The following AK2 variants were observed in gnomAD, a reference collection of about 807,000 sequenced individuals.
AK2 encodes the protein adenylate kinase 2, mitochondrial.
A neutral mutation model predicts 24.6 loss-of-function variants in AK2; 15 were observed. The ratio of observed to expected loss-of-function variants is 0.61; its 90% CI spans 0.41 to 0.94. The LOEUF (loss-of-function observed/expected upper bound fraction) is 0.94. AK2 is among the 40% of genes least tolerant of loss of function. The pLI is 0.00. For synonymous variants in AK2, 102 were observed against 114.0 expected (o/e 0.90, Z 0.67); for missense variants, 257 against 304.1 (o/e 0.85, Z 1.15).
At chr1:33,023,357 C>T (rs1030440697) in intron 2 of AK2, among the ~76,000 whole-genome samples, 4 of 152,090 alleles carry the variant, frequency 2.6e-5, no homozygotes, top group African/African-American at 9.6e-5. Flanking sequence ...CTGGGTTTAG[C>T]TCAGTTCAAA....
intron 1 of AK2, among the ~76,000 whole-genome samples, chr1:33,035,733 C>T (rs1313926679): frequency 6.6e-6 from 1 of 152,148 alleles, no homozygotes; most frequent in Non-Finnish European, 1.5e-5. Context: ...GCCCCTGTTG[C>T]CTGCTAGGGC....
rs745467392 is a variant in AK2 at position 33,008,267 on chromosome 1, G to A, written c.*4914C>T. 4.4e-6 allele frequency: 2 copies of A among 454,046 alleles called. No homozygotes were observed. The highest frequency in any genetic ancestry group is 3.1e-5 in the South Asian group (2 of 64,470). 28.1% of individuals were successfully genotyped at this position (454,046 alleles called of 1,614,324 possible). On this transcript the variant is annotated 3_prime_UTR_variant, in exon 6 of 6. Coordinates refer to ENST00000672715, the MANE Select transcript of AK2 (RefSeq NM_001625.4). ...TAGGGATCATTCCTATTCTACTGATGAGGTGAGATAACTTGTCCAAGGTCG... is the reference window on the plus strand; with the variant it reads ...TAGGGATCATTCCTATTCTACTGATAAGGTGAGATAACTTGTCCAAGGTCG...
At chr1:33,013,427 A>C (rs1638979127) in intron 5 of AK2, 25 bp from the exon 6 acceptor site, 1 of 1,606,724 alleles carries the variant, frequency 6.2e-7, no homozygotes, top group Admixed American at 1.7e-5. Flanking sequence ...ACAGCAATGA[A>C]AGGCTGGGAC....
chr1:33,025,209 A>AAG (rs1553152765), intron 1 of AK2, among the ~76,000 whole-genome samples: 1 of 151,934 alleles, frequency 6.6e-6, no homozygotes, highest in African/African-American at 2.4e-5. Flanking sequence ...AAAAAAAAAA[A>AAG]AGAGAATAAA....
At chr1:33,028,753 C>T (rs1640060058) in intron 1 of AK2, among the ~76,000 whole-genome samples, 1 of 152,142 alleles carries the variant, frequency 6.6e-6, no homozygotes, top group African/African-American at 2.4e-5. Flanking sequence ...TATGGGAATG[C>T]TAAAACCACT....
intron 4 of AK2, among the ~76,000 whole-genome samples, 195 bp downstream of exon 4, chr1:33,021,171 AT>A (rs1237531094): frequency 6.6e-6 from 1 of 151,896 alleles, no homozygotes; most frequent in African/African-American, 2.4e-5. Context: ...CAAGAATGAG[AT>A]GCTGTCTGAC....
At chr1:33,020,357 A>G (rs754799739) in intron 4 of AK2, among the ~76,000 whole-genome samples, 1 of 152,344 alleles carries the variant, frequency 6.6e-6, no homozygotes, top group Non-Finnish European at 1.5e-5. Flanking sequence ...TTTAAGGAGC[A>G]CTAAAATGGA....
Position 33,012,097 on chromosome 1 carries a change from GA to G in AK2, c.*1083del. On this transcript the variant is annotated 3_prime_UTR_variant, in exon 6 of 6. Coordinates refer to ENST00000672715, the MANE Select transcript of AK2 (RefSeq NM_001625.4). Reference sequence around the variant, plus strand: ...ACCCTGGTCTCTTTTTGGGGAAGTAGATTTGACTGCTCTCAGATGATCAGCC... The same window carrying G: ...ACCCTGGTCTCTTTTTGGGGAAGTAGTTTGACTGCTCTCAGATGATCAGCC... The G allele has an allele frequency of 6.5e-7, 1 of 1,535,450 alleles. No homozygotes were observed. The highest frequency in any genetic ancestry group is 8.7e-7 in the Non-Finnish European group (1 of 1,146,728).
Position 33,012,984 on chromosome 1 carries a change from GCACACA to G in AK2, c.*191_*196del. 2 of 1,501,196 alleles carry G rather than the reference GCACACA, an allele frequency of 1.3e-6. No homozygotes were observed. Among genetic ancestry groups the G allele is most frequent in the East Asian group, 2.4e-5 (1 of 41,068 alleles). 93.0% of individuals were successfully genotyped at this position (1,501,196 alleles called of 1,614,324 possible). A position where few individuals can be genotyped will look rare whatever the true frequency, so the allele number is the denominator to read the frequency against. On this transcript the variant is annotated 3_prime_UTR_variant, in exon 6 of 6. Coordinates refer to ENST00000672715, the MANE Select transcript of AK2 (RefSeq NM_001625.4). ...TAGCAGAGTGAACACATATGTGCAT[GCACACA>G]CACACACACACAACACACATACACA...
chr1:33,036,602 G>A, intron 1 of AK2, 134 bp downstream of exon 1: 1 of 831,826 alleles, frequency 1.2e-6, no homozygotes. Flanking sequence ...CACCAGAACC[G>A]AGACCCCGGC....
At chr1:33,020,422 CT>C (rs1639465217) in intron 4 of AK2, among the ~76,000 whole-genome samples, 1 of 152,166 alleles carries the variant, frequency 6.6e-6, no homozygotes. Flanking sequence ...ATAGGCAAGG[CT>C]TTGAACTATG....
intron 4 of AK2, among the ~76,000 whole-genome samples, chr1:33,017,620 A>T (rs1267316050): frequency 6.6e-6 from 1 of 152,222 alleles, no homozygotes; most frequent in Non-Finnish European, 1.5e-5. Context: ...TAAATGAAAG[A>T]AACCCCACTC....
chr1:33,032,127 C>T (rs1167736416), intron 1 of AK2: 1 of 163,364 alleles, frequency 6.1e-6, no homozygotes, highest in African/African-American at 2.4e-5. Flanking sequence ...GCACTAGGCA[C>T]TAACCCCAGG....
At chr1:33,020,212 C>CACACACACAT in intron 4 of AK2, 1 of 1,250,880 alleles carries the variant, frequency 8.0e-7, no homozygotes, top group Admixed American at 2.1e-5. Context: ...CACACACACA[C>CACACACACAT]ACACACACAC....
At chr1:33,021,555 G>A in intron 3 of AK2, 38 bp downstream of exon 3, 1 of 1,607,758 alleles carries the variant, frequency 6.2e-7, no homozygotes, top group Non-Finnish European at 8.5e-7. Context: ...CAAGAATTTG[G>A]TTTCATGCAG....
chr1:33,024,868 C>T (rs1639774650), intron 1 of AK2, among the ~76,000 whole-genome samples: 1 of 152,162 alleles, frequency 6.6e-6, no homozygotes, highest in African/African-American at 2.4e-5. Context: ...ACTAGTGACA[C>T]ATAAGTTTCA....
At chr1:33,018,608 CTCT>C (rs1416296563) in intron 4 of AK2, among the ~76,000 whole-genome samples, 1 of 152,206 alleles carries the variant, frequency 6.6e-6, no homozygotes, top group Non-Finnish European at 1.5e-5. Context: ...CAGTGACATG[CTCT>C]GTGAGGACGG....
In AK2 at chr1:33,021,650, C is replaced by T. The variant is rs1309279858; in HGVS notation, c.273G>A (p.Leu91=). ...ELIEKNLETP[L]CKNGFLLDGF... ...CATCCAGAAGAAAACCATTTTTGCA[C>T]AAGGGGGTCTCCAAATTCTTCTCAA... The change falls in exon 3 of 6, where the codon TTG becomes TTA. Residue 91 remains leucine (L), a synonymous_variant. Coordinates refer to ENST00000672715, the MANE Select transcript of AK2 (RefSeq NM_001625.4). 6.2e-7 allele frequency: 1 copy of T among 1,614,062 alleles called. No homozygotes were observed. Among genetic ancestry groups the T allele is most frequent in the Admixed American group, 1.7e-5 (1 of 59,996 alleles).
intron 1 of AK2, among the ~76,000 whole-genome samples, chr1:33,032,796 G>T (rs1206298748): frequency 1.3e-5 from 2 of 152,190 alleles, no homozygotes; most frequent in Non-Finnish European, 2.9e-5. Flanking sequence ...GAGGGCAGAG[G>T]AAGATGTTAA....
Sources: gnomAD v4.1 joint callset for allele counts (sites outside exome capture counted in the v4.1 genomes callset) on GRCh38, gnomAD v4.1.1 for gene constraint, MANE v1.5 for transcripts, NCBI Gene and HGNC (gene_info 2026-07-23, HGNC 2026-07-21) for gene names.